UNC13C: variants seen among roughly 807,000 people sequenced by gnomAD.
UNC13C encodes the protein unc-13 homolog C, also known as protein unc-13 homolog C.
A neutral mutation model predicts 245.4 loss-of-function variants in UNC13C; 174 were observed. The observed-to-expected ratio is 0.71, with a 90% CI of 0.63 to 0.80. The LOEUF is 0.80. Among genes scored for constraint, UNC13C ranks in the 30% least tolerant of loss-of-function variants. The pLI, the probability that UNC13C is intolerant of heterozygous loss-of-function variation, is 0.00. For missense variants in UNC13C, 2,829 were observed against 2,602.9 expected (o/e 1.09, Z -1.89); for synonymous variants, 992 against 895.1 (o/e 1.11, Z -1.93).
chr15:53,944,251 T>G, the UNC13C span, among the ~76,000 whole-genome samples: 1 of 152,140 alleles, frequency 6.6e-6, no homozygotes, highest in African/African-American at 2.4e-5. Flanking sequence ...TGGCTCTTTT[T>G]TTATTTTAAA....
At chr15:53,976,532 C>T (rs957221589), upstream of UNC13C, among the ~76,000 whole-genome samples, 6 of 119,082 alleles carry the variant, frequency 5.0e-5, no homozygotes, top group Admixed American at 2.4e-4. Context: ...AGTGCAATGG[C>T]GCGATCTTGG....
intron 2 of UNC13C, among the ~76,000 whole-genome samples, chr15:54,095,628 G>A (rs948933204): frequency 1.3e-5 from 2 of 152,140 alleles, no homozygotes; most frequent in African/African-American, 4.8e-5. Context: ...CCTACTGAAT[G>A]GGAATCTGCG....
the UNC13C span, among the ~76,000 whole-genome samples, chr15:53,970,657 C>G: frequency 6.6e-6 from 1 of 152,010 alleles, no homozygotes; most frequent in Non-Finnish European, 1.5e-5. Context: ...TGGGGGGAAA[C>G]AACACACACT....
intron 20 of UNC13C, among the ~76,000 whole-genome samples, chr15:54,496,366 G>T (rs1325738009): frequency 2.0e-5 from 3 of 151,952 alleles, no homozygotes; most frequent in Admixed American, 6.6e-5. Context: ...GACATATGGG[G>T]TTAAAAGAAA....
chr15:53,894,911 C>T, the UNC13C span, among the ~76,000 whole-genome samples: 1 of 152,016 alleles, frequency 6.6e-6, no homozygotes, highest in African/African-American at 2.4e-5. Flanking sequence ...TATATTATTT[C>T]ATTTAAATAT....
intron 4 of UNC13C, among the ~76,000 whole-genome samples, chr15:54,206,191 G>A (rs529419945): frequency 5.3e-5 from 8 of 152,062 alleles, no homozygotes; most frequent in African/African-American, 1.9e-4. Flanking sequence ...ATTTATAGAT[G>A]ATTATTTTTG....
intron 19 of UNC13C, among the ~76,000 whole-genome samples, chr15:54,483,023 T>C (rs138282840): frequency 6.6e-6 from 1 of 152,300 alleles, no homozygotes; most frequent in African/African-American, 2.4e-5. Context: ...TAGGTAGCTT[T>C]TAACATTATC....
At chr15:54,099,155 A>T (rs1900035689) in intron 2 of UNC13C, among the ~76,000 whole-genome samples, 1 of 152,234 alleles carries the variant, frequency 6.6e-6, no homozygotes, top group Non-Finnish European at 1.5e-5. Context: ...TGTCAAGAGT[A>T]GAACCAAAAG....
At chr15:54,455,309 T>A (rs1891456633) in intron 19 of UNC13C, among the ~76,000 whole-genome samples, 1 of 148,228 alleles carries the variant, frequency 6.7e-6, no homozygotes, top group Non-Finnish European at 1.5e-5. Context: ...CAAATTGTGC[T>A]GCTATAAGTA....
At chr15:54,321,352 C>G (rs555005134) in intron 13 of UNC13C, 1 of 475,342 alleles carries the variant, frequency 2.1e-6, no homozygotes, top group East Asian at 5.6e-5. Flanking sequence ...TTAATGCCAC[C>G]CACCAAGATC....
At chr15:54,190,799 C>T (rs1247487143) in intron 4 of UNC13C, among the ~76,000 whole-genome samples, 2 of 151,742 alleles carry the variant, frequency 1.3e-5, no homozygotes, top group Admixed American at 6.6e-5. Flanking sequence ...TTGTTTGAAC[C>T]ATTTACACTT....
chr15:54,570,709 G>A (rs546953401), intron 30 of UNC13C, among the ~76,000 whole-genome samples: 1 of 152,206 alleles, frequency 6.6e-6, no homozygotes, highest in South Asian at 2.1e-4. Flanking sequence ...AAGAGAGATC[G>A]ATGAAAATTA....
chr15:54,607,236 C>T (rs1325118812), intron 30 of UNC13C, among the ~76,000 whole-genome samples: 4 of 152,002 alleles, frequency 2.6e-5, no homozygotes, highest in South Asian at 2.1e-4. Flanking sequence ...TTTAAGAATG[C>T]GAGAGAATCT....
chr15:53,886,720 G>A, the UNC13C span, among the ~76,000 whole-genome samples: 3 of 152,194 alleles, frequency 2.0e-5, no homozygotes, highest in South Asian at 6.2e-4. Flanking sequence ...GGAGAAAACT[G>A]ATAAACATTA....
intron 2 of UNC13C, among the ~76,000 whole-genome samples, chr15:54,065,810 G>A (rs1020281398): frequency 7.9e-5 from 12 of 152,134 alleles, no homozygotes; most frequent in Admixed American, 2.0e-4. Flanking sequence ...GAAGAGGAAC[G>A]GAGTTGGTGA....
At chr15:54,391,929 C>T (rs979239559) in intron 17 of UNC13C, among the ~76,000 whole-genome samples, 29 of 152,016 alleles carry the variant, frequency 1.9e-4, no homozygotes, top group Admixed American at 1.8e-3. Flanking sequence ...ACCATTCAGC[C>T]GAGAGGGTGG....
At chr15:54,366,278 CA>C (rs1204055804) in intron 17 of UNC13C, among the ~76,000 whole-genome samples, 1 of 152,122 alleles carries the variant, frequency 6.6e-6, no homozygotes, top group East Asian at 1.9e-4. Context: ...CATAACGTGG[CA>C]AAATGTAAAG....
chr15:54,396,947 A>T (rs547990551), intron 18 of UNC13C, among the ~76,000 whole-genome samples: 1 of 151,136 alleles, frequency 6.6e-6, no homozygotes, highest in Non-Finnish European at 1.5e-5. Context: ...GTTGCAGTAT[A>T]TGCTTCTAGC....
chr15:54,062,913 C>G (rs1419524239), intron 2 of UNC13C, among the ~76,000 whole-genome samples: 1 of 152,184 alleles, frequency 6.6e-6, no homozygotes, highest in African/African-American at 2.4e-5. Context: ...CTACCCCATC[C>G]CCTTTCATTG....
Sources: gnomAD v4.1 joint callset for allele counts (sites outside exome capture counted in the v4.1 genomes callset) on GRCh38, gnomAD v4.1.1 for gene constraint, MANE v1.5 for transcripts, NCBI Gene and HGNC (gene_info 2026-07-23, HGNC 2026-07-21) for gene names.